Variants in UVRAG observed in about 807,000 individuals in gnomAD.
UVRAG encodes the protein UV radiation resistance-associated gene protein.
Under a neutral mutation model 78.0 loss-of-function variants are expected in UVRAG, and 19 were observed. The observed-to-expected ratio is 0.24, with a 90% CI of 0.17 to 0.36. The LOEUF is 0.36. UVRAG is among the 10% of genes least tolerant of loss of function. The probability of loss-of-function intolerance (pLI) is 1.00; values close to 1 mark genes in which losing one functional copy is unlikely to be tolerated. For synonymous variants in UVRAG, 323 were observed against 324.6 expected (o/e 1.00, Z 0.05); for missense variants, 740 against 853.8 (o/e 0.87, Z 1.66).
chr11:76,124,107 G>A (rs1952340875), intron 14 of UVRAG, among the ~76,000 whole-genome samples: 1 of 152,198 alleles, frequency 6.6e-6, no homozygotes. Flanking sequence ...CAGTTATTGG[G>A]AAACTATTTC....
At chr11:75,969,371 T>C (rs1949083991) in intron 7 of UVRAG, among the ~76,000 whole-genome samples, 1 of 152,218 alleles carries the variant, frequency 6.6e-6, no homozygotes, top group African/African-American at 2.4e-5. Context: ...TATACCATAT[T>C]TTGCTTATCC....
At chr11:75,835,002 A>G (rs1565337462) in intron 1 of UVRAG, among the ~76,000 whole-genome samples, 2 of 152,130 alleles carry the variant, frequency 1.3e-5, no homozygotes, top group African/African-American at 2.4e-5. Context: ...GAAAAAAAGA[A>G]TATGTAATTA....
At chr11:75,979,345 T>C (rs1202676152) in intron 7 of UVRAG, among the ~76,000 whole-genome samples, 2 of 152,214 alleles carry the variant, frequency 1.3e-5, no homozygotes. Context: ...GAGGAGGCAG[T>C]CTGTCCGTTC....
chr11:76,061,770 C>G (rs1004171150), intron 12 of UVRAG, among the ~76,000 whole-genome samples: 1 of 152,054 alleles, frequency 6.6e-6, no homozygotes, highest in African/African-American at 2.4e-5. Flanking sequence ...CGCGAGGGTC[C>G]GCAGCTTCAT....
chr11:75,868,673 G>T (rs1022846575), intron 3 of UVRAG, among the ~76,000 whole-genome samples: 2 of 152,148 alleles, frequency 1.3e-5, no homozygotes, highest in African/African-American at 4.8e-5. Flanking sequence ...TGATATTATT[G>T]AAAGGTCATT....
At chr11:76,116,883 TCTTTA>T (rs1423490301) in intron 14 of UVRAG, among the ~76,000 whole-genome samples, 1 of 152,234 alleles carries the variant, frequency 6.6e-6, no homozygotes, top group Non-Finnish European at 1.5e-5. Context: ...CTGTGGTTGG[TCTTTA>T]CTTTGATTTT....
At chr11:76,103,315 C>A (rs1186849871) in intron 13 of UVRAG, among the ~76,000 whole-genome samples, 1 of 152,142 alleles carries the variant, frequency 6.6e-6, no homozygotes, top group Non-Finnish European at 1.5e-5. Flanking sequence ...ACTACTCCCA[C>A]CCATCAAACT....
chr11:75,910,689 A>T (rs1231643450), intron 5 of UVRAG, among the ~76,000 whole-genome samples: 2 of 152,092 alleles, frequency 1.3e-5, no homozygotes. Flanking sequence ...TAATTCATGT[A>T]GAGCCAGCTA....
At chr11:75,862,687 T>C (rs563257570) in intron 3 of UVRAG, among the ~76,000 whole-genome samples, 1 of 152,344 alleles carries the variant, frequency 6.6e-6, no homozygotes, top group South Asian at 2.1e-4. Flanking sequence ...GGCTATCTCA[T>C]CTAGAGCAGT....
intron 13 of UVRAG, among the ~76,000 whole-genome samples, chr11:76,075,770 G>C (rs985349625): frequency 2.6e-5 from 4 of 152,136 alleles, no homozygotes; most frequent in African/African-American, 9.7e-5. Flanking sequence ...CCATCCCTGG[G>C]CAGCTACCAG....
At chr11:75,923,383 T>C (rs1428229064) in intron 6 of UVRAG, among the ~76,000 whole-genome samples, 1 of 152,156 alleles carries the variant, frequency 6.6e-6, no homozygotes, top group Admixed American at 6.5e-5. Context: ...AATTACCGTC[T>C]CTCCCAAAAT....
rs113605303 is a variant in UVRAG, at chr11:75,874,499, G to T, written c.271-5380G>T. On this transcript the variant is annotated intron_variant, in intron 3 of 14. Transcript: ENST00000356136. ...ACAATTATGATGCATTTTATGATTGGTGATGTCTTGGATTTGATGAAATAT... is the reference window on the plus strand; with the variant it reads ...ACAATTATGATGCATTTTATGATTGTTGATGTCTTGGATTTGATGAAATAT... 6.8e-3 allele frequency among the ~76,000 whole-genome samples: 1,037 copies of T among 152,238 alleles called. 12 individuals are homozygous for T. Among genetic ancestry groups the T allele is most frequent in the African/African-American group, 0.024 (989 of 41,528 alleles).
At chr11:75,888,701 G>C (rs185952833) in intron 4 of UVRAG, 128 bp from the exon 5 acceptor site, 22 of 650,150 alleles carry the variant, frequency 3.4e-5, no homozygotes, top group Middle Eastern at 4.4e-4. Flanking sequence ...TTTTCTGCTA[G>C]TATGTTTAGA....
chr11:76,032,629 A>G (rs1950456514), intron 12 of UVRAG, among the ~76,000 whole-genome samples: 1 of 152,168 alleles, frequency 6.6e-6, no homozygotes, highest in Non-Finnish European at 1.5e-5. Context: ...TTCTCCACAT[A>G]ATAAGACCCA....
At chr11:76,023,404 C>T (rs954433061) in intron 12 of UVRAG, among the ~76,000 whole-genome samples, 4 of 152,074 alleles carry the variant, frequency 2.6e-5, no homozygotes, top group African/African-American at 9.7e-5. Context: ...GCTTTTCTTC[C>T]CAGGCTTTAG....
chr11:75,982,690 G>A (rs1490593824), intron 7 of UVRAG, among the ~76,000 whole-genome samples: 3 of 152,158 alleles, frequency 2.0e-5, no homozygotes, highest in Non-Finnish European at 2.9e-5. Context: ...TTTGGCAAAC[G>A]TGGAAATCTA....
At chr11:75,893,218 C>G (rs540469288) in intron 5 of UVRAG, among the ~76,000 whole-genome samples, 2 of 150,084 alleles carry the variant, frequency 1.3e-5, no homozygotes, top group South Asian at 4.3e-4. Context: ...CTTCCTAAAA[C>G]AAACAAGAAA....
rs1365665053 is a variant in UVRAG, at chr11:75,961,573, T to C, written c.699+24T>C. On this transcript the variant is annotated intron_variant, in intron 7 of 14. Coordinates refer to ENST00000356136, the MANE Select transcript of UVRAG (RefSeq NM_003369.4). ...TGGTAGGTTTTTATGTATTTACCTG[T>C]TTACACTTCTTGTTTTCTAAAGGAG... 4 of 1,530,114 alleles carry C rather than the reference T, an allele frequency of 2.6e-6. No individual in the cohort carries two copies. The African/African-American group carries it at 5.6e-5, about 22-fold the overall frequency. 94.8% of individuals were successfully genotyped at this position (1,530,114 alleles called of 1,614,324 possible).
rs189917785 is a variant in UVRAG at position 75,856,146 on chromosome 11, C to T, written c.235+4146C>T. Among the ~76,000 whole-genome samples the T allele has an allele frequency of 1.4e-3, 215 of 151,514 alleles. 3 individuals are homozygous for T. The highest frequency in any genetic ancestry group is 4.8e-3 in the African/African-American group (199 of 41,312). ...CTGGGACTACAGGCATCCGCCACCA[C>T]GCCCAGCTAATTTTTTGTATTTTTA... On this transcript the variant is annotated intron_variant, in intron 2 of 14. Transcript: ENST00000356136.
Sources: gnomAD v4.1 joint callset for allele counts (sites outside exome capture counted in the v4.1 genomes callset) on GRCh38, gnomAD v4.1.1 for gene constraint, MANE v1.5 for transcripts, NCBI Gene and HGNC (gene_info 2026-07-23, HGNC 2026-07-21) for gene names.